Variants in EPHA6 observed in about 807,000 individuals in gnomAD.
The protein encoded by EPHA6 is EPH receptor A6, also known as ephrin type-A receptor 6.
In EPHA6, 50 loss-of-function variants were observed where a neutral mutation model predicts 112.0. The ratio of observed to expected loss-of-function variants is 0.45; its 90% confidence interval spans 0.36 to 0.56. The LOEUF is 0.56. Ranked by LOEUF, EPHA6 falls within the 20% of genes least tolerant of loss-of-function variation. The pLI, the probability that EPHA6 is intolerant of heterozygous loss-of-function variation, is 0.00. For synonymous variants in EPHA6, 529 were observed against 490.7 expected (o/e 1.08, Z -1.03); for missense variants, 1,280 against 1,417.4 (o/e 0.90, Z 1.56).
At chr3:97,352,160 TA>T (rs762096900) in intron 5 of EPHA6, among the ~76,000 whole-genome samples, 116 of 152,104 alleles carry the variant, frequency 7.6e-4, no homozygotes, top group African/African-American at 2.0e-3. Context: ...AACAAAAGGA[TA>T]TTTTTTTTTA....
At chr3:97,224,400 G>A (rs1053425255) in intron 3 of EPHA6, among the ~76,000 whole-genome samples, 1 of 152,096 alleles carries the variant, frequency 6.6e-6, no homozygotes, top group African/African-American at 2.4e-5. Flanking sequence ...TCTAAGAAGT[G>A]GGAAATTAAC....
chr3:97,436,358 A>C (rs943302149), intron 6 of EPHA6, among the ~76,000 whole-genome samples: 4 of 152,212 alleles, frequency 2.6e-5, no homozygotes, highest in African/African-American at 9.6e-5. Flanking sequence ...CAAAACAAAT[A>C]TATTGGTATC....
intron 5 of EPHA6, among the ~76,000 whole-genome samples, chr3:97,367,157 A>T (rs1320067218): frequency 1.3e-5 from 2 of 152,240 alleles, no homozygotes; most frequent in Non-Finnish European, 2.9e-5. Flanking sequence ...GATACACATA[A>T]GATAAAAATA....
At chr3:97,023,611 A>G (rs986799750) in intron 3 of EPHA6, among the ~76,000 whole-genome samples, 1 of 152,026 alleles carries the variant, frequency 6.6e-6, no homozygotes, top group Non-Finnish European at 1.5e-5. Flanking sequence ...ATCAGGGAAA[A>G]TAGGTTTTCA....
intron 3 of EPHA6, among the ~76,000 whole-genome samples, chr3:97,063,850 A>G (rs933364204): frequency 6.6e-6 from 1 of 152,200 alleles, no homozygotes; most frequent in African/African-American, 2.4e-5. Context: ...AGTAATAAAA[A>G]TAATTGAATG....
intron 2 of EPHA6, among the ~76,000 whole-genome samples, chr3:96,918,476 C>G (rs2039594507): frequency 6.6e-6 from 1 of 152,082 alleles, no homozygotes; most frequent in African/African-American, 2.4e-5. Flanking sequence ...TTATAGAATT[C>G]CTTGACCATT....
chr3:97,615,275 AG>A (rs1172130966), intron 13 of EPHA6, among the ~76,000 whole-genome samples: 1 of 152,154 alleles, frequency 6.6e-6, no homozygotes, highest in Non-Finnish European at 1.5e-5. Flanking sequence ...CCACTCCACC[AG>A]GGTTTTCAGT....
chr3:96,839,215 G>A (rs192666592), intron 1 of EPHA6, among the ~76,000 whole-genome samples: 1 of 152,226 alleles, frequency 6.6e-6, no homozygotes, highest in East Asian at 1.9e-4. Flanking sequence ...GAACCGGGCT[G>A]CATAGCAGGA....
At chr3:97,481,571 G>C in intron 9 of EPHA6, 1 of 613,662 alleles carries the variant, frequency 1.6e-6, no homozygotes, top group Non-Finnish European at 3.0e-6. Flanking sequence ...CGCGTCCGGC[G>C]CTGGGGGACT....
At chr3:97,713,098 G>A (rs2107769882) in intron 14 of EPHA6, among the ~76,000 whole-genome samples, 1 of 152,232 alleles carries the variant, frequency 6.6e-6, no homozygotes, top group Middle Eastern at 3.4e-3. Context: ...GGGAGGGATA[G>A]GGCAGCAACA....
chr3:97,706,883 A>G (rs1320172559), intron 14 of EPHA6, among the ~76,000 whole-genome samples: 1 of 151,628 alleles, frequency 6.6e-6, no homozygotes, highest in Non-Finnish European at 1.5e-5. Context: ...TATTTACATC[A>G]ATGTTTCTCT....
intron 1 of EPHA6, among the ~76,000 whole-genome samples, chr3:96,817,171 A>G (rs1170868079): frequency 1.3e-5 from 2 of 151,962 alleles, no homozygotes; most frequent in Admixed American, 6.6e-5. Context: ...AGAACATTAT[A>G]ATCAGAATTT....
intron 3 of EPHA6, among the ~76,000 whole-genome samples, chr3:97,140,491 G>T (rs2075872615): frequency 1.3e-5 from 2 of 152,162 alleles, no homozygotes; most frequent in Non-Finnish European, 2.9e-5. Flanking sequence ...GACGTCTCAG[G>T]AGAAACCTTT....
Position 96,866,884 on chromosome 3 carries a change from A to G in EPHA6, c.445A>G (p.Asn149Asp). The change falls in exon 2 of 18, where the codon AAT becomes GAT. Residue 149 changes from asparagine (N) to aspartate (D), a missense_variant. Physicochemically the swap from Asn to Asp is conservative, Grantham distance 23. Coordinates refer to ENST00000389672, the MANE Select transcript of EPHA6 (RefSeq NM_001080448.3). Reference protein sequence around the residue: ...GELGWKTYPLNGWDAITEMDE... With the variant: ...GELGWKTYPLDGWDAITEMDE... ...GCTAGGATGGAAAACATATCCATTA[A>G]ATGGGGTAAGTTTAAATATCTGAAA... 1 of 1,472,098 alleles carries G rather than the reference A, an allele frequency of 6.8e-7. No homozygotes were observed. Among genetic ancestry groups the G allele is most frequent in the Non-Finnish European group, 9.1e-7 (1 of 1,103,500 alleles). 91.2% of individuals were successfully genotyped at this position (1,472,098 alleles called of 1,614,324 possible). A position where few individuals can be genotyped will look rare whatever the true frequency, so the allele number is the denominator to read the frequency against.
At chr3:97,337,303 A>G (rs1278481203) in intron 5 of EPHA6, among the ~76,000 whole-genome samples, 2 of 152,130 alleles carry the variant, frequency 1.3e-5, no homozygotes, top group Non-Finnish European at 2.9e-5. Flanking sequence ...CAAATAGTAA[A>G]TTACATATTT....
chr3:96,921,036 A>G (rs1187655295), intron 2 of EPHA6, among the ~76,000 whole-genome samples: 2 of 152,050 alleles, frequency 1.3e-5, no homozygotes, highest in African/African-American at 4.8e-5. Context: ...TCTCATGCAG[A>G]TATCTAATAA....
At chr3:97,200,298 T>C (rs1305876537) in intron 3 of EPHA6, among the ~76,000 whole-genome samples, 2 of 152,060 alleles carry the variant, frequency 1.3e-5, no homozygotes, top group African/African-American at 4.8e-5. Flanking sequence ...GAGGCTTTAA[T>C]TGGCAAGTCC....
intron 5 of EPHA6, among the ~76,000 whole-genome samples, chr3:97,365,605 G>A (rs1457167551): frequency 6.6e-6 from 1 of 152,046 alleles, no homozygotes; most frequent in Non-Finnish European, 1.5e-5. Context: ...GGCCAGGATG[G>A]TCTCGATCTC....
chr3:96,869,871 C>A (rs1053080319), intron 2 of EPHA6, among the ~76,000 whole-genome samples: 1 of 151,886 alleles, frequency 6.6e-6, no homozygotes, highest in Non-Finnish European at 1.5e-5. Flanking sequence ...ATTTTAATGG[C>A]AATTGGAGAT....
Sources: allele counts gnomAD v4.1 joint callset (sites outside exome capture counted in the v4.1 genomes callset), GRCh38; gene constraint gnomAD v4.1.1; transcripts MANE v1.5; gene names NCBI Gene and HGNC (gene_info 2026-07-23, HGNC 2026-07-21).